Variants in TFB1M observed in about 807,000 individuals in gnomAD.
TFB1M encodes dimethyladenosine transferase 1, mitochondrial.
A neutral mutation model predicts 31.1 loss-of-function variants in TFB1M; 27 were observed. That is an observed-to-expected ratio of 0.87 (90% confidence interval 0.64 to 1.20). The LOEUF (loss-of-function observed/expected upper bound fraction) is 1.20, where lower values mean the gene tolerates loss of function less well. Among genes scored for constraint, TFB1M ranks in the 50% most tolerant of loss-of-function variants. The pLI is 0.00. For missense variants in TFB1M, 394 were observed against 418.7 expected (o/e 0.94, Z 0.51); for synonymous variants, 166 against 151.8 (o/e 1.09, Z -0.69).
chr6:155,296,937 A>G lies in TFB1M; in HGVS notation c.546+16T>C. On this transcript the variant is annotated intron_variant, in intron 4 of 6. Coordinates refer to ENST00000367166, the MANE Select transcript of TFB1M (RefSeq NM_016020.4). Reference sequence around the variant, plus strand: ...TTGAACATGTGATAAAATAGTCACAAAATGTTAAAACTTACCTCTGCCACT... The same window carrying G: ...TTGAACATGTGATAAAATAGTCACAGAATGTTAAAACTTACCTCTGCCACT... 6.2e-7 allele frequency: 1 copy of G among 1,612,324 alleles called. No individual in the cohort carries two copies. The highest frequency in any genetic ancestry group is 1.3e-5 in the African/African-American group (1 of 75,020).
chr6:155,234,539 A>T, the TFB1M span, among the ~76,000 whole-genome samples: 1 of 152,198 alleles, frequency 6.6e-6, no homozygotes, highest in Non-Finnish European at 1.5e-5. Flanking sequence ...AGTAGCTGGG[A>T]CCATAGGCGT....
intron 5 of TFB1M, chr6:155,260,651 C>T (rs1583307007): frequency 1.9e-6 from 1 of 535,602 alleles, no homozygotes; most frequent in Non-Finnish European, 3.4e-6. Flanking sequence ...TTGATGGTCA[C>T]TTAATTTTAA....
chr6:155,302,914 T>C (rs976162480), intron 2 of TFB1M, among the ~76,000 whole-genome samples: 93 of 152,132 alleles, frequency 6.1e-4, no homozygotes, highest in Admixed American at 6.0e-3. Flanking sequence ...AACACGTCCT[T>C]CTTCATATGG....
At chr6:155,255,870 C>T (rs113082030), downstream of TFB1M, 1,865 of 153,630 alleles carry the variant, frequency 0.012, 33 homozygotes, top group Non-Finnish European at 0.015. Context: ...ATTAGCCAGG[C>T]GTGATCATGC....
At chr6:155,285,308 A>C (rs773392884) in intron 4 of TFB1M, 31 bp from the exon 5 acceptor site, 19 of 1,612,638 alleles carry the variant, frequency 1.2e-5, no homozygotes, top group African/African-American at 2.7e-5. Context: ...ATTTTAGCAA[A>C]TAATTAGTCC....
chr6:155,287,936 C>G (rs1373634155), intron 4 of TFB1M, among the ~76,000 whole-genome samples: 3 of 152,124 alleles, frequency 2.0e-5, no homozygotes, highest in Non-Finnish European at 4.4e-5. Context: ...GGTAGGCAGG[C>G]AGGGGGCCCC....
Position 155,314,392 on chromosome 6 carries a change from G to A in TFB1M, c.37C>T (p.Pro13Ser). 1 of 1,614,226 alleles carries A rather than the reference G, an allele frequency of 6.2e-7. No individual in the cohort carries two copies. Among genetic ancestry groups the A allele is most frequent in the Non-Finnish European group, 8.5e-7 (1 of 1,180,044 alleles). ...ASGKLSTCRL[P>S]PLPTIREIIK... Reference sequence around the variant, plus strand: ...ATTTCTCGAATCGTGGGCAACGGAGGGAGACGGCAAGTGCTGAGTTTTCCG... The same window carrying A: ...ATTTCTCGAATCGTGGGCAACGGAGAGAGACGGCAAGTGCTGAGTTTTCCG... Residue 13 changes from proline (P) to serine (S), a missense_variant, in exon 1 of 7, where the codon CCT (proline) becomes TCT (serine). Physicochemically the swap from Pro to Ser is moderately conservative, Grantham distance 74. Around this residue, in one of 3 missense-constraint regions of TFB1M, gnomAD observed 273 missense variants for 256.4 expected, o/e 1.06. Transcript: ENST00000367166.
At chr6:155,279,254 C>T (rs531340558) in intron 5 of TFB1M, among the ~76,000 whole-genome samples, 2 of 150,046 alleles carry the variant, frequency 1.3e-5, no homozygotes, top group African/African-American at 4.9e-5. Context: ...TATATCTATA[C>T]ATATGACTGA....
chr6:155,277,860 A>G (rs1785293570), intron 5 of TFB1M, among the ~76,000 whole-genome samples: 1 of 152,182 alleles, frequency 6.6e-6, no homozygotes, highest in African/African-American at 2.4e-5. Context: ...TGATCCCATT[A>G]ATAGTTCTTC....
intron 5 of TFB1M, among the ~76,000 whole-genome samples, chr6:155,273,705 C>G (rs139522719): frequency 6.6e-6 from 1 of 152,136 alleles, no homozygotes; most frequent in African/African-American, 2.4e-5. Flanking sequence ...GGAAAGGATG[C>G]GGGATGACCC....
Position 155,314,359 on chromosome 6 carries a change from A to T in TFB1M, c.70T>A (p.Leu24Met), listed in dbSNP as rs1778157233. 6.2e-7 allele frequency: 1 copy of T among 1,614,216 alleles called. No individual in the cohort carries two copies. Among genetic ancestry groups the T allele is most frequent in the Non-Finnish European group, 8.5e-7 (1 of 1,180,040 alleles). Residue 24 changes from leucine (L) to methionine (M), a missense_variant, in exon 1 of 7, where the codon TTG becomes ATG. Physicochemically the swap from Leu to Met is conservative, Grantham distance 15. Around this residue, in one of 3 missense-constraint regions of TFB1M, gnomAD observed 273 missense variants for 256.4 expected, o/e 1.06. Coordinates refer to ENST00000367166, the MANE Select transcript of TFB1M (RefSeq NM_016020.4). ...TGCTTCGCTGCTTGCAGTCTTAACA[A>T]CTTAATGATTTCTCGAATCGTGGGC... is the stretch of plus-strand genomic sequence containing the variant. ...PLPTIREIIK[L>M]LRLQAAKQLS...
At chr6:155,268,173 T>C (rs1784749636) in intron 5 of TFB1M, among the ~76,000 whole-genome samples, 1 of 152,202 alleles carries the variant, frequency 6.6e-6, no homozygotes, top group Non-Finnish European at 1.5e-5. Context: ...TCGCTCCCAT[T>C]ACCACAGCCT....
chr6:155,250,841 A>C, the TFB1M span: 5 of 1,454,422 alleles, frequency 3.4e-6, no homozygotes, highest in South Asian at 5.7e-5. Flanking sequence ...CTGTGTGTAC[A>C]TCACTATCTA....
intron 5 of TFB1M, among the ~76,000 whole-genome samples, chr6:155,281,192 T>C (rs971037691): frequency 2.0e-5 from 3 of 151,998 alleles, no homozygotes; most frequent in African/African-American, 4.9e-5. Context: ...GCACTCTGCA[T>C]TGATTATTTC....
chr6:155,230,479 C>T, the TFB1M span, among the ~76,000 whole-genome samples: 51 of 152,302 alleles, frequency 3.3e-4, no homozygotes, highest in Middle Eastern at 3.4e-3. Flanking sequence ...CCCCCACTTT[C>T]GGCACTGGTC....
At chr6:155,237,914 T>C in the TFB1M span, among the ~76,000 whole-genome samples, 1,870 of 152,376 alleles carry the variant, frequency 0.012, 34 homozygotes, top group Non-Finnish European at 0.015. Flanking sequence ...CATCATTGTC[T>C]TGGGGATTAA....
the TFB1M span, among the ~76,000 whole-genome samples, chr6:155,231,537 C>G: frequency 5.6e-4 from 85 of 152,370 alleles, no homozygotes; most frequent in East Asian, 0.015. Context: ...AAGGGGCTGA[C>G]GTGCTGCCCT....
chr6:155,301,447 G>C (rs1179780810), intron 2 of TFB1M, among the ~76,000 whole-genome samples: 1 of 152,126 alleles, frequency 6.6e-6, no homozygotes, highest in Non-Finnish European at 1.5e-5. Context: ...CTACCATAAT[G>C]ATACATGGGG....
At chr6:155,280,316 G>A (rs1785435742) in intron 5 of TFB1M, among the ~76,000 whole-genome samples, 1 of 152,172 alleles carries the variant, frequency 6.6e-6, no homozygotes, top group Non-Finnish European at 1.5e-5. Context: ...GGCTCCCAGA[G>A]ATGGAGCTGC....
Sources: gnomAD v4.1 joint callset for allele counts (sites outside exome capture counted in the v4.1 genomes callset) on GRCh38, gnomAD v4.1.1 for gene constraint, gnomAD v4.1.1 regional missense constraint, MANE v1.5 for transcripts, NCBI Gene and HGNC (gene_info 2026-07-23, HGNC 2026-07-21) for gene names.